NXPH1: variants seen among roughly 807,000 people sequenced by gnomAD.
NXPH1 encodes neurexophilin 1.
NXPH1 carries 5 observed loss-of-function variants against 23.7 expected under a neutral mutation model. The ratio of observed to expected loss-of-function variants is 0.21; its 90% confidence interval spans 0.11 to 0.44. The LOEUF (loss-of-function observed/expected upper bound fraction) is 0.44. NXPH1 is among the 20% of genes least tolerant of loss of function. NXPH1 has a pLI of 0.99. For synonymous variants in NXPH1, 144 were observed against 122.2 expected, an observed-to-expected ratio of 1.18 and a Z score of -1.18; for missense variants, 324 against 321.6, an observed-to-expected ratio of 1.01 and a Z score of -0.06.
At chr7:8,546,567 G>C (rs1042897427) in intron 2 of NXPH1, among the ~76,000 whole-genome samples, 2 of 151,412 alleles carry the variant, frequency 1.3e-5, no homozygotes, top group Non-Finnish European at 3.0e-5. Flanking sequence ...AGTAGAGCTT[G>C]TGAATATACT....
chr7:8,472,336 T>C (rs780324700), intron 2 of NXPH1, among the ~76,000 whole-genome samples: 1 of 152,166 alleles, frequency 6.6e-6, no homozygotes, highest in Non-Finnish European at 1.5e-5. Context: ...ATTTCATGAG[T>C]GAACACATTC....
At chr7:8,682,054 A>G (rs932750055) in intron 2 of NXPH1, among the ~76,000 whole-genome samples, 14 of 152,166 alleles carry the variant, frequency 9.2e-5, no homozygotes, top group Admixed American at 1.3e-4. Flanking sequence ...ATGCCAGTGG[A>G]AGGGTCTGAA....
At chr7:8,672,739 G>A (rs1820891145) in intron 2 of NXPH1, among the ~76,000 whole-genome samples, 1 of 152,206 alleles carries the variant, frequency 6.6e-6, no homozygotes, top group South Asian at 2.1e-4. Flanking sequence ...CGAACACTGT[G>A]TGCTAACAGC....
At chr7:8,617,682 T>G (rs566608513) in intron 2 of NXPH1, among the ~76,000 whole-genome samples, 13 of 151,998 alleles carry the variant, frequency 8.6e-5, no homozygotes, top group Non-Finnish European at 1.8e-4. Context: ...TGGGGGAACA[T>G]AGCAGAGGTA....
In NXPH1 at chr7:8,752,179, A is replaced by C; in HGVS notation, c.*410A>C. 5.7e-6 allele frequency: 1 copy of C among 174,888 alleles called. No homozygotes were observed. Among genetic ancestry groups the C allele is most frequent in the Non-Finnish European group, 1.3e-5 (1 of 79,798 alleles). 10.8% of individuals were successfully genotyped at this position (174,888 alleles called of 1,614,324 possible). On this transcript the variant is annotated 3_prime_UTR_variant, in exon 3 of 3. Coordinates refer to ENST00000405863, the MANE Select transcript of NXPH1 (RefSeq NM_152745.3). Reference sequence around the variant, plus strand: ...GTTTCTAACAGTTGCTGTTATGGAAATCTCTTTTAAAGTCTTGAGTACATG... The same window carrying C: ...GTTTCTAACAGTTGCTGTTATGGAACTCTCTTTTAAAGTCTTGAGTACATG...
intron 2 of NXPH1, among the ~76,000 whole-genome samples, chr7:8,525,442 T>A (rs113956710): frequency 0.23 from 35,549 of 152,056 alleles, 4,272 homozygotes; most frequent in East Asian, 0.3. Context: ...TGAGGAGAAA[T>A]TCAAGCTGGC....
intron 2 of NXPH1, among the ~76,000 whole-genome samples, chr7:8,730,099 C>G (rs1780123936): frequency 6.6e-6 from 1 of 151,844 alleles, no homozygotes; most frequent in East Asian, 1.9e-4. Context: ...ATGTAATGGC[C>G]TTCTTTGTCT....
At chr7:8,651,537 G>C (rs1420745641) in intron 2 of NXPH1, among the ~76,000 whole-genome samples, 1 of 151,688 alleles carries the variant, frequency 6.6e-6, no homozygotes, top group Non-Finnish European at 1.5e-5. Context: ...GATCCCTGAG[G>C]AATCACCACA....
At chr7:8,515,848 A>G (rs1817678136) in intron 2 of NXPH1, among the ~76,000 whole-genome samples, 1 of 152,162 alleles carries the variant, frequency 6.6e-6, no homozygotes, top group African/African-American at 2.4e-5. Flanking sequence ...ATTGAATTAA[A>G]TACTAATTTT....
intron 2 of NXPH1, among the ~76,000 whole-genome samples, chr7:8,691,085 C>A (rs1408930388): frequency 2.0e-5 from 3 of 152,104 alleles, no homozygotes; most frequent in Non-Finnish European, 4.4e-5. Flanking sequence ...TTTTTCCAAC[C>A]CTTTTGAAAG....
At chr7:8,728,400 C>G (rs1014113411) in intron 2 of NXPH1, among the ~76,000 whole-genome samples, 18 of 152,286 alleles carry the variant, frequency 1.2e-4, no homozygotes, top group African/African-American at 3.8e-4. Context: ...TGAGAGAGGG[C>G]ATCCCTGTCT....
chr7:8,715,649 C>T (rs1404807501), intron 2 of NXPH1, among the ~76,000 whole-genome samples: 1 of 152,170 alleles, frequency 6.6e-6, no homozygotes, highest in East Asian at 1.9e-4. Context: ...GGGAAGGTTA[C>T]ACAGAGTCTG....
At chr7:8,597,326 G>A (rs1305031181) in intron 2 of NXPH1, among the ~76,000 whole-genome samples, 1 of 152,028 alleles carries the variant, frequency 6.6e-6, no homozygotes, top group Non-Finnish European at 1.5e-5. Context: ...GTGGACAGAC[G>A]TGGTGGCTGG....
intron 2 of NXPH1, among the ~76,000 whole-genome samples, chr7:8,742,884 A>G (rs1780390889): frequency 6.6e-6 from 1 of 152,204 alleles, no homozygotes; most frequent in Non-Finnish European, 1.5e-5. Context: ...GTGATTTTGG[A>G]CAAGTGCTAT....
At chr7:8,699,310 A>T (rs894522960) in intron 2 of NXPH1, among the ~76,000 whole-genome samples, 3 of 152,122 alleles carry the variant, frequency 2.0e-5, no homozygotes, top group Non-Finnish European at 4.4e-5. Context: ...AAACATACAT[A>T]CTTTTATTTT....
At chr7:8,689,764 G>C (rs936925623) in intron 2 of NXPH1, among the ~76,000 whole-genome samples, 4 of 152,144 alleles carry the variant, frequency 2.6e-5, no homozygotes, top group African/African-American at 9.7e-5. Context: ...AACAGAGAAG[G>C]GTGGAACTGA....
chr7:8,533,482 C>G (rs1817982788), intron 2 of NXPH1, among the ~76,000 whole-genome samples: 1 of 151,994 alleles, frequency 6.6e-6, no homozygotes, highest in South Asian at 2.1e-4. Flanking sequence ...GAAAACTTAG[C>G]ATTTTTAAAA....
intron 2 of NXPH1, among the ~76,000 whole-genome samples, chr7:8,462,617 T>G (rs1384508702): frequency 6.6e-6 from 1 of 152,194 alleles, no homozygotes; most frequent in African/African-American, 2.4e-5. Context: ...CCTTCCAGTC[T>G]CCTATTGATG....
chr7:8,561,417 C>T (rs1211442775), intron 2 of NXPH1, among the ~76,000 whole-genome samples: 1 of 149,060 alleles, frequency 6.7e-6, no homozygotes, highest in Non-Finnish European at 1.5e-5. Context: ...TTTTTCCCTC[C>T]CTCCTTCCCT....
Sources: gnomAD v4.1 joint callset for allele counts (sites outside exome capture counted in the v4.1 genomes callset) on GRCh38, gnomAD v4.1.1 for gene constraint, MANE v1.5 for transcripts, NCBI Gene and HGNC (gene_info 2026-07-23, HGNC 2026-07-21) for gene names.